Variants in CCSER1 observed in about 807,000 individuals in gnomAD.
The protein encoded by CCSER1 is coiled-coil serine rich protein 1, also known as serine-rich coiled-coil domain-containing protein 1.
Under a neutral mutation model 82.0 loss-of-function variants are expected in CCSER1, and 41 were observed. The observed-to-expected ratio is 0.50, with a 90% CI of 0.39 to 0.65. The LOEUF is 0.65. CCSER1 is among the 30% of genes least tolerant of loss of function. CCSER1 has a pLI of 0.00. For missense variants in CCSER1, 1,119 were observed against 1,064.2 expected (o/e 1.05, Z -0.72); for synonymous variants, 414 against 383.9 (o/e 1.08, Z -0.92).
chr4:91,570,262 C>T (rs1193646268), intron 10 of CCSER1, among the ~76,000 whole-genome samples: 1 of 152,112 alleles, frequency 6.6e-6, no homozygotes, highest in Non-Finnish European at 1.5e-5. Flanking sequence ...TTTCCAGGTA[C>T]ACAGTGGAAG....
At position 91,376,518 on chromosome 4, in the gene CCSER1, T is replaced by C. The variant is rs538305635; in HGVS notation, c.2218-222054T>C. 2.0e-5 allele frequency among the ~76,000 whole-genome samples: 3 copies of C among 152,280 alleles called. No homozygotes were observed. The South Asian group carries it at 6.2e-4, about 32-fold the overall frequency. ...GAATTAAAGGTTGTTATGTGGCACA[T>C]GATTGTACATAAACCAGGAAATTTC... On this transcript the variant is annotated intron_variant, in intron 10 of 10. Transcript: ENST00000509176.
rs1262572745 is a variant in CCSER1, at chr4:90,286,619, T to C, written c.-41-21625T>C. On this transcript the variant is annotated intron_variant, in intron 1 of 10. Coordinates refer to ENST00000509176, the MANE Select transcript of CCSER1 (RefSeq NM_001145065.2). The stretch of plus-strand genomic sequence containing the variant: ...AATTTTGAAGCTTTAAATAATTTAA[T>C]TTTACTGAACATTTGTAACAGATAC... Among the ~76,000 whole-genome samples, 3 of 152,170 alleles carry C rather than the reference T, an allele frequency of 2.0e-5. No individual in the cohort carries two copies. In the East Asian group the frequency reaches 5.8e-4, roughly 29 times the overall value.
At chr4:91,184,810 T>G (rs1247663021) in intron 10 of CCSER1, among the ~76,000 whole-genome samples, 1 of 152,202 alleles carries the variant, frequency 6.6e-6, no homozygotes, top group Non-Finnish European at 1.5e-5. Flanking sequence ...GGGACATACC[T>G]CATTTCATGC....
chr4:90,598,568 A>T (rs1450503163), intron 5 of CCSER1, among the ~76,000 whole-genome samples: 1 of 152,230 alleles, frequency 6.6e-6, no homozygotes, highest in Admixed American at 6.6e-5. Context: ...TTACTGATGT[A>T]GAGCACTTTA....
intron 10 of CCSER1, among the ~76,000 whole-genome samples, chr4:91,423,264 TAAA>T (rs143322815): frequency 7.2e-6 from 1 of 138,352 alleles, no homozygotes; most frequent in Non-Finnish European, 1.6e-5. Flanking sequence ...CGTCTCTACT[TAAA>T]AAAAAAAAAA....
At chr4:90,965,745 G>C (rs1287111021) in intron 9 of CCSER1, among the ~76,000 whole-genome samples, 1 of 151,906 alleles carries the variant, frequency 6.6e-6, no homozygotes, top group Admixed American at 6.6e-5. Flanking sequence ...ATGTCCAATT[G>C]CCAAAAAATG....
rs1487986900 is a variant in CCSER1 at position 90,386,385 on chromosome 4, A to G, written c.1510-13651A>G. On this transcript the variant is annotated intron_variant, in intron 3 of 10. Coordinates refer to ENST00000509176, the MANE Select transcript of CCSER1 (RefSeq NM_001145065.2). ...AATTGATCTTCTACAAAGCAGACCA[A>G]AACATACTGGGAAGAGGACACCCTA... Among the ~76,000 whole-genome samples the G allele has an allele frequency of 1.3e-5, 2 of 152,154 alleles. 1 individual carries two copies. The highest frequency in any genetic ancestry group is 2.9e-5 in the Non-Finnish European group (2 of 68,020).
chr4:90,543,497 G>A (rs1217992653), intron 5 of CCSER1, among the ~76,000 whole-genome samples: 1 of 152,108 alleles, frequency 6.6e-6, no homozygotes, highest in Admixed American at 6.6e-5. Context: ...AAACCTTGTG[G>A]GTGATTGTTT....
chr4:91,505,245 T>C (rs1486596794), intron 10 of CCSER1, among the ~76,000 whole-genome samples: 1 of 152,216 alleles, frequency 6.6e-6, no homozygotes, highest in Non-Finnish European at 1.5e-5. Flanking sequence ...TCCAGCTCTA[T>C]CCACATCCCT....
intron 8 of CCSER1, among the ~76,000 whole-genome samples, chr4:90,856,979 T>A (rs1393776758): frequency 6.6e-6 from 1 of 151,946 alleles, no homozygotes; most frequent in Non-Finnish European, 1.5e-5. Context: ...TTAGACTTTT[T>A]TTGTTTTTCC....
intron 10 of CCSER1, among the ~76,000 whole-genome samples, chr4:91,245,630 TACAATA>T (rs1401940148): frequency 6.6e-6 from 1 of 152,180 alleles, no homozygotes; most frequent in African/African-American, 2.4e-5. Flanking sequence ...AGACCTGTCC[TACAATA>T]AATGCTAAAG....
chr4:90,756,653 C>T (rs1561080433), intron 7 of CCSER1, among the ~76,000 whole-genome samples: 1 of 152,100 alleles, frequency 6.6e-6, no homozygotes, highest in African/African-American at 2.4e-5. Context: ...CCTATCAATT[C>T]TCTTACAATT....
At chr4:91,148,144 A>G (rs962507593) in intron 10 of CCSER1, among the ~76,000 whole-genome samples, 1 of 152,182 alleles carries the variant, frequency 6.6e-6, no homozygotes, top group African/African-American at 2.4e-5. Flanking sequence ...ATGATAATGC[A>G]ATATATGTAG....
intron 10 of CCSER1, among the ~76,000 whole-genome samples, chr4:91,251,952 A>G (rs1740290393): frequency 6.6e-6 from 1 of 152,308 alleles, no homozygotes; most frequent in East Asian, 1.9e-4. Context: ...AAATTTCTCA[A>G]ATTTGATGAA....
intron 8 of CCSER1, among the ~76,000 whole-genome samples, chr4:90,833,463 T>C (rs1055455073): frequency 2.4e-4 from 37 of 152,166 alleles, no homozygotes; most frequent in Non-Finnish European, 1.8e-4. Flanking sequence ...CCTCTGAAGT[T>C]ATGGAGCCTA....
In CCSER1 at chr4:90,359,510, T is replaced by C. The variant is rs552954444; in HGVS notation, c.1510-40526T>C. Among the ~76,000 whole-genome samples, 9 of 151,676 alleles carry C rather than the reference T, an allele frequency of 5.9e-5. No homozygotes were observed. In the East Asian group the frequency reaches 1.8e-3, roughly 30 times the overall value. On this transcript the variant is annotated intron_variant, in intron 3 of 10. Coordinates refer to ENST00000509176, the MANE Select transcript of CCSER1 (RefSeq NM_001145065.2). ...ATCCCAGCAGTTTGGGAGGCTGAGG[T>C]GGGTGGATCATGAGGTCAGGAGTTC...
At chr4:90,141,959 A>C (rs1488163179) in intron 1 of CCSER1, among the ~76,000 whole-genome samples, 3 of 152,218 alleles carry the variant, frequency 2.0e-5, no homozygotes, top group African/African-American at 7.2e-5. Flanking sequence ...AAGGTGATTC[A>C]ATATATGCCC....
rs1467831275 is a variant in CCSER1 at position 91,474,965 on chromosome 4, CAT to C, written c.2218-123606_2218-123605del. Among the ~76,000 whole-genome samples the C allele has an allele frequency of 1.1e-4, 16 of 151,634 alleles. No homozygotes were observed. In the East Asian group the frequency reaches 2.9e-3, roughly 27 times the overall value. ...TTATTTATTTATAAATTTTGTATAA[CAT>C]GTAGCTAATTTTGAGCATTGGGTAA... On this transcript the variant is annotated intron_variant, in intron 10 of 10. Transcript: ENST00000509176.
intron 10 of CCSER1, among the ~76,000 whole-genome samples, chr4:91,415,811 A>C (rs575715973): frequency 7.5e-4 from 114 of 152,248 alleles, no homozygotes; most frequent in African/African-American, 2.7e-3. Context: ...TTCGTTTGCC[A>C]GTATTTTAAT....
Sources: gnomAD v4.1 joint callset for allele counts (sites outside exome capture counted in the v4.1 genomes callset) on GRCh38, gnomAD v4.1.1 for gene constraint, MANE v1.5 for transcripts, NCBI Gene and HGNC (gene_info 2026-07-23, HGNC 2026-07-21) for gene names.